The following EEF1B2 variants were observed in gnomAD, a reference collection of about 807,000 sequenced individuals.
The protein encoded by EEF1B2 is elongation factor 1-beta.
Under a neutral mutation model 28.3 loss-of-function variants are expected in EEF1B2, and 12 were observed. That is an observed-to-expected ratio of 0.42 (90% confidence interval 0.27 to 0.69). EEF1B2 has a LOEUF of 0.69. Among genes scored for constraint, EEF1B2 ranks in the 30% least tolerant of loss-of-function variants. The pLI, the probability that EEF1B2 is intolerant of heterozygous loss-of-function variation, is 0.22. For synonymous variants in EEF1B2, 83 were observed against 99.9 expected (o/e 0.83, Z 1.01); for missense variants, 234 against 272.6 (o/e 0.86, Z 1.00).
At chr2:206,159,830 C>A, upstream of EEF1B2, 3 of 794,870 alleles carry the variant, frequency 3.8e-6, no homozygotes, top group Non-Finnish European at 5.9e-6. Context: ...CTTTAACCTT[C>A]GGTCCGGCGC....
chr2:206,162,383 C>G, intron 4 of EEF1B2, 106 bp from the exon 5 acceptor site: 3 of 1,562,698 alleles, frequency 1.9e-6, no homozygotes. Flanking sequence ...TTTTGTTTGG[C>G]TAAGGAGATA....
intron 2 of EEF1B2, chr2:206,160,948 C>A: frequency 1.4e-6 from 1 of 735,538 alleles, no homozygotes; most frequent in Non-Finnish European, 2.4e-6. Flanking sequence ...GTGCCTCGAC[C>A]TTGACCTGGG....
At chr2:206,159,867 T>G, upstream of EEF1B2, 1 of 1,242,540 alleles carries the variant, frequency 8.0e-7, no homozygotes, top group Non-Finnish European at 1.1e-6. Flanking sequence ...TCCGTCTCTA[T>G]ATAAGGAATT....
intron 1 of EEF1B2, 171 bp from the exon 2 acceptor site, chr2:206,160,417 T>G (rs1576013360): frequency 8.3e-7 from 1 of 1,201,786 alleles, no homozygotes; most frequent in Non-Finnish European, 1.1e-6. Flanking sequence ...GATAGCGCGG[T>G]GACCCAAACA....
chr2:206,162,686 A>C (rs775431732), intron 5 of EEF1B2, 43 bp from the exon 6 acceptor site: 3 of 1,605,954 alleles, frequency 1.9e-6, no homozygotes, highest in East Asian at 2.2e-5. Flanking sequence ...AACCTTTCCT[A>C]CAAGACTTTT....
chr2:206,160,938 G>A (rs1438650406), intron 2 of EEF1B2: 5 of 754,598 alleles, frequency 6.6e-6, no homozygotes, highest in Non-Finnish European at 1.1e-5. Flanking sequence ...CCCTGCCAAT[G>A]TGCCTCGACC....
chr2:206,161,791 T>G (rs1687941833), intron 3 of EEF1B2: 1 of 633,688 alleles, frequency 1.6e-6, no homozygotes, highest in Admixed American at 2.2e-5. Context: ...AAAGAATACA[T>G]CGATCAGCAA....
rs552834228 is a variant in EEF1B2 at position 206,160,218 on chromosome 2, C to T, written c.80+159C>T. 3.3e-5 allele frequency among the ~76,000 whole-genome samples: 5 copies of T among 152,314 alleles called. No homozygotes were observed. The South Asian group carries it at 1.0e-3, about 32-fold the overall frequency. ...CGCCCCGTTGCCGTCTCCCAAGGCC[C>T]TCGTGTGGGGCGAGCCCGGCCTCCG... On this transcript the variant is annotated intron_variant, in intron 1 of 5. Transcript: ENST00000392222.
rs1056956763 is a variant in EEF1B2, at chr2:206,161,539, T to C, written c.330+67T>C. On this transcript the variant is annotated intron_variant, in intron 3 of 5. Transcript: ENST00000392222. ...GGCTCATGCCTGTAATCCCAGCATGTTGGGAGGCTGAGGCGGGTGGATCAC... is the reference window on the plus strand; with the variant it reads ...GGCTCATGCCTGTAATCCCAGCATGCTGGGAGGCTGAGGCGGGTGGATCAC... The C allele has an allele frequency of 8.8e-6, 14 of 1,592,124 alleles. No individual in the cohort carries two copies. In the African/African-American group the frequency reaches 1.5e-4, roughly 17 times the overall value.
intron 3 of EEF1B2, 91 bp downstream of exon 3, chr2:206,161,563 AC>A: frequency 6.4e-7 from 1 of 1,553,976 alleles, no homozygotes; most frequent in Non-Finnish European, 8.8e-7. Context: ...CGGGTGGATC[AC>A]GAGGTCAGGA....
Position 206,162,082 on chromosome 2 carries a change from A to G in EEF1B2, c.375A>G (p.Gln125=), listed in dbSNP as rs749630375. The G allele has an allele frequency of 1.2e-6, 2 of 1,613,960 alleles. No individual in the cohort carries two copies. The highest frequency in any genetic ancestry group is 2.7e-5 in the African/African-American group (2 of 74,930). Residue 125 remains glutamine, a synonymous_variant, in exon 4 of 6, where the codon CAA becomes CAG. Coordinates refer to ENST00000392222, the MANE Select transcript of EEF1B2 (RefSeq NM_001959.4). The part of the protein sequence containing the change: ...AKRLREERLA[Q]YESKKAKKPA... ...GGCTAAGGGAAGAACGTCTTGCACA[A>G]TATGAATCAAAGAAAGCCAAAAGTA...
Position 206,162,075 on chromosome 2 carries a change from T to A in EEF1B2, c.368T>A (p.Leu123His), listed in dbSNP as rs770279745. 1 of 1,614,128 alleles carries A rather than the reference T, an allele frequency of 6.2e-7. No individual in the cohort carries two copies. Among genetic ancestry groups the A allele is most frequent in the Non-Finnish European group, 8.5e-7 (1 of 1,180,006 alleles). ...EEAKRLREER[L>H]AQYESKKAKK... is the part of the protein sequence containing the mutation. The stretch of plus-strand genomic sequence containing the variant: ...GCAAAGAGGCTAAGGGAAGAACGTC[T>A]TGCACAATATGAATCAAAGAAAGCC... Residue 123 changes from leucine to histidine, a missense_variant, in exon 4 of 6, where the codon CTT becomes CAT. By Grantham distance (99) the Leu-to-His change is moderately conservative. Around this residue, in one of 2 missense-constraint regions of EEF1B2, gnomAD observed 178 missense variants for 173.3 expected, o/e 1.03. Transcript: ENST00000392222.
intron 1 of EEF1B2, 116 bp downstream of exon 1, chr2:206,160,175 T>C: frequency 7.6e-7 from 1 of 1,308,036 alleles, no homozygotes; most frequent in East Asian, 2.6e-5. Context: ...CGGGGCCCTT[T>C]CGAGAGGGAG....
intron 2 of EEF1B2, 40 bp downstream of exon 2, chr2:206,160,750 T>C (rs1687900994): frequency 6.2e-7 from 1 of 1,613,662 alleles, no homozygotes; most frequent in Non-Finnish European, 8.5e-7. Flanking sequence ...ATAAGACTGC[T>C]CTCGAAGTTT....
chr2:206,161,570 CAG>C (rs1366780820), intron 3 of EEF1B2, 98 bp downstream of exon 3: 2 of 1,526,586 alleles, frequency 1.3e-6, no homozygotes, highest in African/African-American at 2.7e-5. Flanking sequence ...ATCACGAGGT[CAG>C]GAGTTGAAGA....
intron 2 of EEF1B2, 118 bp from the exon 3 acceptor site, chr2:206,161,228 A>G: frequency 1.4e-6 from 2 of 1,455,788 alleles, no homozygotes; most frequent in Non-Finnish European, 1.9e-6. Flanking sequence ...GTGAAAGGGT[A>G]AATTATGATT....
At chr2:206,161,234 T>C in intron 2 of EEF1B2, 112 bp from the exon 3 acceptor site, 2 of 1,485,970 alleles carry the variant, frequency 1.3e-6, no homozygotes. Flanking sequence ...GGGTAAATTA[T>C]GATTGCAAAA....
In EEF1B2 at chr2:206,160,205, G is replaced by A. The variant is rs532651223; in HGVS notation, c.80+146G>A. On this transcript the variant is annotated intron_variant, in intron 1 of 5. Coordinates refer to ENST00000392222, the MANE Select transcript of EEF1B2 (RefSeq NM_001959.4). ...AGGGAGGGGAAAGCGCCCCGTTGCC[G>A]TCTCCCAAGGCCCTCGTGTGGGGCG... 42 of 1,095,612 alleles carry A rather than the reference G, an allele frequency of 3.8e-5. No homozygotes were observed. In the South Asian group the frequency reaches 5.9e-4, roughly 15 times the overall value. 67.9% of individuals were successfully genotyped at this position (1,095,612 alleles called of 1,614,324 possible). A position where few individuals can be genotyped will look rare whatever the true frequency, so the allele number is the denominator to read the frequency against.
rs373042162 is a variant in EEF1B2, at chr2:206,162,108, G to T, written c.397+4G>T. The T allele has an allele frequency of 3.1e-6, 5 of 1,613,268 alleles. No individual in the cohort carries two copies. The African/African-American group carries it at 4.0e-5, about 13-fold the overall frequency. ...TATGAATCAAAGAAAGCCAAAAGTA[G>T]GTCATTTGTTTTTAACTTCATTTCA... is the stretch of plus-strand genomic sequence containing the variant. On this transcript the variant is annotated splice_donor_region_variant and intron_variant, in intron 4 of 5. Coordinates refer to ENST00000392222, the MANE Select transcript of EEF1B2 (RefSeq NM_001959.4).
Sources: allele counts gnomAD v4.1 joint callset (sites outside exome capture counted in the v4.1 genomes callset), GRCh38; gene constraint gnomAD v4.1.1; regional missense constraint gnomAD v4.1.1; transcripts MANE v1.5; gene names NCBI Gene and HGNC (gene_info 2026-07-23, HGNC 2026-07-21).